NMNAT2: variants seen among roughly 807,000 people sequenced by gnomAD.
The protein encoded by NMNAT2 is nicotinamide/nicotinic acid mononucleotide adenylyltransferase 2.
A neutral mutation model predicts 41.6 loss-of-function variants in NMNAT2; 11 were observed. That is an observed-to-expected ratio of 0.26 (90% confidence interval 0.17 to 0.44). The LOEUF is 0.44. NMNAT2 is among the 20% of genes least tolerant of loss of function. NMNAT2 has a pLI of 1.00. For synonymous variants in NMNAT2, 148 were observed against 151.2 expected (o/e 0.98, Z 0.16); for missense variants, 288 against 407.7 (o/e 0.71, Z 2.53).
chr1:183,327,082 A>T (rs1662482616), intron 1 of NMNAT2, among the ~76,000 whole-genome samples: 1 of 151,562 alleles, frequency 6.6e-6, no homozygotes, highest in Non-Finnish European at 1.5e-5. Context: ...GACAGAGCTC[A>T]CTCTGTCACC....
Position 183,311,722 on chromosome 1 carries a change from TACACACACAC to T in NMNAT2, c.86-17939_86-17930del, listed in dbSNP as rs61005402. Among the ~76,000 whole-genome samples the T allele has an allele frequency of 5.3e-3, 762 of 144,302 alleles. 1 individual carries two copies. The highest frequency in any genetic ancestry group is 0.015 in the African/African-American group (585 of 39,064). The allele number at this position is 144,302 out of a possible 152,430, so 94.7% of individuals were successfully genotyped here. The stretch of plus-strand genomic sequence containing the variant: ...CAGTTCACATCACACGTCCAGTCCC[TACACACACAC>T]ACACACACACACACACACACACACA... On this transcript the variant is annotated intron_variant, in intron 1 of 10. Coordinates refer to ENST00000287713, the MANE Select transcript of NMNAT2 (RefSeq NM_015039.4).
At chr1:183,360,056 C>T (rs1448965920) in intron 1 of NMNAT2, among the ~76,000 whole-genome samples, 2 of 152,174 alleles carry the variant, frequency 1.3e-5, no homozygotes, top group African/African-American at 4.8e-5. Context: ...CCTTCTCACA[C>T]ACTTGGGTTC....
rs1019644058 is a variant in NMNAT2 at position 183,290,098 on chromosome 1, T to A, written c.321+30A>T. On this transcript the variant is annotated intron_variant, in intron 4 of 10. Coordinates refer to ENST00000287713, the MANE Select transcript of NMNAT2 (RefSeq NM_015039.4). Reference sequence around the variant, plus strand: ...CCTTCCGCCCTTGCACTCTGGTGGTTCACGCATCCCCAGGCTTGGCCCAGC... The same window carrying A: ...CCTTCCGCCCTTGCACTCTGGTGGTACACGCATCCCCAGGCTTGGCCCAGC... The A allele has an allele frequency of 5.2e-6, 8 of 1,541,358 alleles. No homozygotes were observed. The Admixed American group carries it at 1.5e-4, about 30-fold the overall frequency.
chr1:183,418,148 G>A (rs1649306801), intron 1 of NMNAT2, 35 bp downstream of exon 1: 5 of 1,586,114 alleles, frequency 3.2e-6, no homozygotes, highest in Non-Finnish European at 3.5e-6. Flanking sequence ...GGAGAGGAGC[G>A]GAAGCGGCTT....
intron 8 of NMNAT2, among the ~76,000 whole-genome samples, chr1:183,264,085 T>C (rs114561900): frequency 0.01 from 1,560 of 152,294 alleles, 32 homozygotes; most frequent in African/African-American, 0.036. Flanking sequence ...CTAAGCTGCG[T>C]GGTTATGTAG....
chr1:183,272,525 T>C (rs1450304374), intron 8 of NMNAT2, among the ~76,000 whole-genome samples: 1 of 152,356 alleles, frequency 6.6e-6, no homozygotes, highest in South Asian at 2.1e-4. Flanking sequence ...TGCTGTGGGC[T>C]AATGGATCTT....
chr1:183,276,970 TACA>T (rs900615583), intron 8 of NMNAT2, among the ~76,000 whole-genome samples: 13 of 152,244 alleles, frequency 8.5e-5, no homozygotes, highest in African/African-American at 2.9e-4. Flanking sequence ...TTGGTTATCC[TACA>T]GCATGTTAGC....
chr1:183,294,128 T>A (rs1661618032), intron 1 of NMNAT2, among the ~76,000 whole-genome samples: 1 of 152,172 alleles, frequency 6.6e-6, no homozygotes, highest in Admixed American at 6.5e-5. Flanking sequence ...ACCCCTATTG[T>A]CACTTGCAGG....
intron 7 of NMNAT2, among the ~76,000 whole-genome samples, chr1:183,280,683 C>T (rs1168825398): frequency 6.6e-6 from 1 of 151,686 alleles, no homozygotes; most frequent in African/African-American, 2.4e-5. Flanking sequence ...CCACTACACT[C>T]GGCATGTAAA....
At chr1:183,287,135 C>T (rs930359094) in intron 4 of NMNAT2, among the ~76,000 whole-genome samples, 3 of 152,066 alleles carry the variant, frequency 2.0e-5, no homozygotes, top group African/African-American at 7.2e-5. Flanking sequence ...GTCACACAAG[C>T]GAGCATATGC....
At chr1:183,360,435 C>T (rs1016228017) in intron 1 of NMNAT2, among the ~76,000 whole-genome samples, 44 of 152,122 alleles carry the variant, frequency 2.9e-4, no homozygotes, top group African/African-American at 1.1e-3. Context: ...TTCTATTTAG[C>T]CCCAGGTCCC....
chr1:183,285,678 G>T (rs1661382271), intron 5 of NMNAT2, among the ~76,000 whole-genome samples: 2 of 152,206 alleles, frequency 1.3e-5, no homozygotes, highest in African/African-American at 4.8e-5. Context: ...GGACCTGGGA[G>T]CCTGACAGTA....
intron 1 of NMNAT2, among the ~76,000 whole-genome samples, chr1:183,314,241 G>C (rs1207032949): frequency 6.6e-6 from 1 of 152,160 alleles, no homozygotes; most frequent in Admixed American, 6.5e-5. Flanking sequence ...TCCTGAACCT[G>C]CTGCATGCCC....
At chr1:183,271,605 A>G (rs972309845) in intron 8 of NMNAT2, among the ~76,000 whole-genome samples, 2 of 152,246 alleles carry the variant, frequency 1.3e-5, no homozygotes, top group Non-Finnish European at 2.9e-5. Flanking sequence ...TATAGTTAAT[A>G]TAGTATAAAG....
rs138160037 is a variant in NMNAT2, at chr1:183,277,155, C to T, written c.651+1398G>A. On this transcript the variant is annotated intron_variant, in intron 8 of 10. Coordinates refer to ENST00000287713, the MANE Select transcript of NMNAT2 (RefSeq NM_015039.4). ...ATGGGACGTAGGTACTATTATTAGG[C>T]TCATTTCAGGGATGGAAAAAACTGA... Among the ~76,000 whole-genome samples the T allele has an allele frequency of 1.7e-3, 254 of 152,196 alleles. 1 individual carries two copies. The highest frequency in any genetic ancestry group is 6.8e-3 in the Middle Eastern group (2 of 294).
chr1:183,265,466 C>T (rs750646761), intron 8 of NMNAT2, among the ~76,000 whole-genome samples: 25 of 151,872 alleles, frequency 1.6e-4, no homozygotes, highest in Non-Finnish European at 3.4e-4. Flanking sequence ...AGGGTTTCAC[C>T]ATGTTGGTTA....
At chr1:183,402,961 T>C (rs1648853730) in intron 1 of NMNAT2, among the ~76,000 whole-genome samples, 1 of 17,172 alleles carries the variant, frequency 5.8e-5, no homozygotes, top group Admixed American at 8.1e-4. Flanking sequence ...ACATCATATC[T>C]TTTTTTTTTT....
At chr1:183,292,937 A>C in intron 2 of NMNAT2, 80 bp from the exon 3 acceptor site, 1 of 1,327,910 alleles carries the variant, frequency 7.5e-7, no homozygotes, top group Non-Finnish European at 1.1e-6. Flanking sequence ...AAGCCCACCC[A>C]TTGTTAAAGT....
chr1:183,279,648 T>C (rs1360628850), intron 7 of NMNAT2, among the ~76,000 whole-genome samples: 1 of 152,026 alleles, frequency 6.6e-6, no homozygotes, highest in African/African-American at 2.4e-5. Context: ...GGCTTTCAGG[T>C]GGTAAGCTGT....
Sources: gnomAD v4.1 joint callset for allele counts (sites outside exome capture counted in the v4.1 genomes callset) on GRCh38, gnomAD v4.1.1 for gene constraint, MANE v1.5 for transcripts, NCBI Gene and HGNC (gene_info 2026-07-23, HGNC 2026-07-21) for gene names.